Variants in ALCAM observed in about 807,000 individuals in gnomAD.
The protein encoded by ALCAM is CD166 antigen.
In ALCAM, 30 loss-of-function variants were observed where a neutral mutation model predicts 70.9. The observed-to-expected ratio is 0.42, with a 90% CI of 0.32 to 0.57. ALCAM has a LOEUF of 0.57. Ranked by LOEUF, ALCAM falls within the 20% of genes least tolerant of loss-of-function variation. The pLI is 0.11. For missense variants in ALCAM, 591 were observed against 695.1 expected (o/e 0.85, Z 1.68); for synonymous variants, 249 against 242.5 (o/e 1.03, Z -0.25).
intron 1 of ALCAM, among the ~76,000 whole-genome samples, chr3:105,470,257 G>T (rs1046987444): frequency 6.7e-6 from 1 of 150,316 alleles, no homozygotes; most frequent in Non-Finnish European, 1.5e-5. Flanking sequence ...AAATTGAAAG[G>T]CATGCATTTT....
At chr3:105,536,605 G>T (rs752633698) in intron 6 of ALCAM, among the ~76,000 whole-genome samples, 2 of 152,146 alleles carry the variant, frequency 1.3e-5, no homozygotes, top group East Asian at 3.9e-4. Context: ...TTATCATGCT[G>T]GCTGTGTAAG....
At chr3:105,490,714 A>T (rs796697057) in intron 1 of ALCAM, among the ~76,000 whole-genome samples, 2 of 152,316 alleles carry the variant, frequency 1.3e-5, no homozygotes, top group African/African-American at 4.8e-5. Flanking sequence ...CTTTGACTCC[A>T]TGTCTCACAT....
intron 1 of ALCAM, among the ~76,000 whole-genome samples, chr3:105,505,682 A>T (rs1166752051): frequency 3.3e-5 from 5 of 152,206 alleles, no homozygotes; most frequent in Non-Finnish European, 7.3e-5. Context: ...TTTCACAGAA[A>T]AACATTCTTA....
rs766420342 is a variant in ALCAM, at chr3:105,552,389, A to G, written c.1547-79A>G. 467 of 1,459,544 alleles carry G rather than the reference A, an allele frequency of 3.2e-4. 1 individual carries two copies. Among genetic ancestry groups the G allele is most frequent in the Non-Finnish European group, 1.6e-4 (168 of 1,044,996 alleles). The allele number at this position is 1,459,544 out of a possible 1,614,324, so 90.4% of individuals were successfully genotyped here. ...GTAGTGAGCTTTAGTCATTTTTAAT[A>G]CAAAGTAATAGCTAGATTGACTTTC... On this transcript the variant is annotated intron_variant, in intron 13 of 15. Coordinates refer to ENST00000306107, the MANE Select transcript of ALCAM (RefSeq NM_001627.4).
chr3:105,415,301 C>T (rs1178743866), intron 1 of ALCAM, among the ~76,000 whole-genome samples: 3 of 152,114 alleles, frequency 2.0e-5, no homozygotes, highest in Admixed American at 6.6e-5. Flanking sequence ...AAGTATGGAA[C>T]ATATGGTTTT....
chr3:105,545,341 T>C lies in ALCAM; in HGVS notation c.1104+6T>C. The C allele has an allele frequency of 6.3e-7, 1 of 1,596,588 alleles. No individual in the cohort carries two copies. Among genetic ancestry groups the C allele is most frequent in the Non-Finnish European group, 8.6e-7 (1 of 1,165,596 alleles). On this transcript the variant is annotated splice_donor_region_variant and intron_variant, in intron 9 of 15. Coordinates refer to ENST00000306107, the MANE Select transcript of ALCAM (RefSeq NM_001627.4). ...CAACTGTGGTATGGATGAAAGTAAG[T>C]AATATTTTTGGTACTACCCTGCTGT...
At chr3:105,382,743 G>T (rs1378978075) in intron 1 of ALCAM, among the ~76,000 whole-genome samples, 1 of 151,870 alleles carries the variant, frequency 6.6e-6, no homozygotes, top group Non-Finnish European at 1.5e-5. Context: ...GTCTTCTTTT[G>T]AGAACTGTCT....
Position 105,533,623 on chromosome 3 carries a change from A to C in ALCAM, c.480A>C (p.Glu160Asp), listed in dbSNP as rs921689530. The C allele has an allele frequency of 1.2e-6, 2 of 1,611,884 alleles. No individual in the cohort carries two copies. ...TGCAGTTGGGTGACTGCATTTCAGA[A>C]GACAGTTATCCAGATGGCAATATCA... ...QLKKLGDCIS[E>D]DSYPDGNITW... Residue 160 changes from glutamate (E) to aspartate (D), a missense_variant, in exon 5 of 16, where the codon GAA (glutamate) becomes GAC (aspartate). Glu to Asp is a conservative substitution (Grantham distance 45, BLOSUM62 2). Transcript: ENST00000306107.
At chr3:105,391,244 C>G (rs1433749950) in intron 1 of ALCAM, among the ~76,000 whole-genome samples, 1 of 151,974 alleles carries the variant, frequency 6.6e-6, no homozygotes, top group East Asian at 1.9e-4. Context: ...AATGTTTTTC[C>G]ATTTGTTTGC....
At chr3:105,523,982 A>G (rs1939622333) in intron 2 of ALCAM, among the ~76,000 whole-genome samples, 1 of 152,080 alleles carries the variant, frequency 6.6e-6, no homozygotes, top group African/African-American at 2.4e-5. Flanking sequence ...GCATTTATTT[A>G]TGTTTTATTT....
chr3:105,526,055 G>A (rs1006395033), intron 3 of ALCAM, among the ~76,000 whole-genome samples: 10 of 151,974 alleles, frequency 6.6e-5, no homozygotes, highest in African/African-American at 2.4e-4. Flanking sequence ...AAAGTTTTTT[G>A]GTGATAGTTA....
intron 1 of ALCAM, among the ~76,000 whole-genome samples, chr3:105,482,447 CAAGT>C (rs1226222710): frequency 6.6e-6 from 1 of 152,074 alleles, no homozygotes; most frequent in African/African-American, 2.4e-5. Context: ...TCAAAAATCT[CAAGT>C]AAGAGCTTTT....
rs59389132 is a variant in ALCAM, at chr3:105,454,653, A to ATTTTTTTTTTTTTTTTTTTTTTTTTT, written c.74-65405_74-65380dup. ...ATTGGCACATAGTAGATGCTCATTAATTTTTTTTTTTTTTTTTTTTTTTTT... is the reference window on the plus strand; with the variant it reads ...ATTGGCACATAGTAGATGCTCATTAATTTTTTTTTTTTTTTTTTTTTTTTTTTTTTTTTTTTTTTTTTTTTTTTTTT... On this transcript the variant is annotated intron_variant, in intron 1 of 15. Transcript: ENST00000306107. Among the ~76,000 whole-genome samples the ATTTTTTTTTTTTTTTTTTTTTTTTTT allele has an allele frequency of 6.5e-5, 4 of 61,792 alleles. 1 individual carries two copies. The highest frequency in any genetic ancestry group is 1.1e-4 in the Non-Finnish European group (4 of 36,564). 40.5% of individuals were successfully genotyped at this position (61,792 alleles called of 152,430 possible).
intron 1 of ALCAM, among the ~76,000 whole-genome samples, chr3:105,401,186 C>T (rs1936080191): frequency 6.6e-6 from 1 of 152,202 alleles, no homozygotes; most frequent in African/African-American, 2.4e-5. Context: ...GGAACACCCA[C>T]ACCTTAGTAG....
rs562507570 is a variant in ALCAM, at chr3:105,492,030, G to A, written c.74-28037G>A. On this transcript the variant is annotated intron_variant, in intron 1 of 15. Transcript: ENST00000306107. ...ACCCAAGACTGGATAATTTATAAAGGAAAGAGGTTTAATGGACTCACAGTT... is the reference window on the plus strand; with the variant it reads ...ACCCAAGACTGGATAATTTATAAAGAAAAGAGGTTTAATGGACTCACAGTT... 2.6e-5 allele frequency among the ~76,000 whole-genome samples: 4 copies of A among 152,264 alleles called. No individual in the cohort carries two copies. The South Asian group carries it at 8.3e-4, about 32-fold the overall frequency.
Position 105,448,527 on chromosome 3 carries a change from G to A in ALCAM, c.74-71540G>A, listed in dbSNP as rs1937348966. On this transcript the variant is annotated intron_variant, in intron 1 of 15. Transcript: ENST00000306107. ...CCAACCTAGAGCAATGAGTAACCAT[G>A]GCTCCATCCAATTTTCCACATGACA... 2.0e-5 allele frequency among the ~76,000 whole-genome samples: 3 copies of A among 151,974 alleles called. No homozygotes were observed. The South Asian group carries it at 6.2e-4, about 32-fold the overall frequency.
At chr3:105,560,096 A>C (rs537243054) in intron 14 of ALCAM, among the ~76,000 whole-genome samples, 2 of 152,234 alleles carry the variant, frequency 1.3e-5, no homozygotes, top group East Asian at 3.9e-4. Context: ...GAATTGCTTG[A>C]TCTTCCAGCA....
At chr3:105,477,236 C>T (rs1938145518) in intron 1 of ALCAM, among the ~76,000 whole-genome samples, 1 of 152,072 alleles carries the variant, frequency 6.6e-6, no homozygotes, top group Admixed American at 6.6e-5. Context: ...CACATATTTA[C>T]CTTTTCTAAT....
At position 105,401,390 on chromosome 3, in the gene ALCAM, A is replaced by G. The variant is rs962672677; in HGVS notation, c.73+33909A>G. Among the ~76,000 whole-genome samples, 4 of 152,228 alleles carry G rather than the reference A, an allele frequency of 2.6e-5. No homozygotes were observed. In the East Asian group the frequency reaches 5.8e-4, roughly 22 times the overall value. ...GGCTGAGACACAGGAGCAGCACAGT[A>G]GAGGAGCAGTACAAAATGTTCAGGA... On this transcript the variant is annotated intron_variant, in intron 1 of 15. Transcript: ENST00000306107.
Sources: gnomAD v4.1 joint callset for allele counts (sites outside exome capture counted in the v4.1 genomes callset) on GRCh38, gnomAD v4.1.1 for gene constraint, MANE v1.5 for transcripts, NCBI Gene and HGNC (gene_info 2026-07-23, HGNC 2026-07-21) for gene names.